The following HEATR4 variants were observed in gnomAD, a reference collection of about 807,000 sequenced individuals.
The protein encoded by HEATR4 is HEAT repeat containing 4.
Under a neutral mutation model 108.8 loss-of-function variants are expected in HEATR4, and 95 were observed. The ratio of observed to expected loss-of-function variants is 0.87; its 90% confidence interval spans 0.74 to 1.04. The LOEUF (loss-of-function observed/expected upper bound fraction) is 1.04. Ranked by LOEUF, HEATR4 falls within the 50% of genes least tolerant of loss-of-function variation. The pLI is 0.00. For synonymous variants in HEATR4, 443 were observed against 459.4 expected (o/e 0.96, Z 0.46); for missense variants, 1,152 against 1,253.8 (o/e 0.92, Z 1.23).
At chr14:73,484,440 G>A (rs547616678) in intron 17 of HEATR4, among the ~76,000 whole-genome samples, 17 of 152,012 alleles carry the variant, frequency 1.1e-4, no homozygotes, top group East Asian at 5.8e-4. Flanking sequence ...GTGCAGTGGC[G>A]CGATCCTGGC....
At chr14:73,505,904 T>C (rs1379853959) in intron 10 of HEATR4, among the ~76,000 whole-genome samples, 1 of 149,932 alleles carries the variant, frequency 6.7e-6, no homozygotes, top group African/African-American at 2.5e-5. Context: ...TTTTTTTTTT[T>C]TTTTGAGATG....
intron 17 of HEATR4, among the ~76,000 whole-genome samples, chr14:73,479,987 C>T (rs1004865183): frequency 3.9e-5 from 6 of 152,126 alleles, no homozygotes; most frequent in Non-Finnish European, 7.4e-5. Flanking sequence ...CACCAGAGTT[C>T]GATATATGTT....
chr14:73,591,674 G>A, the HEATR4 span: 1 of 369,516 alleles, frequency 2.7e-6, no homozygotes, highest in Non-Finnish European at 4.8e-6. Flanking sequence ...ACCGAGGGTG[G>A]TGTGAGGCAG....
rs190038466 is a variant in HEATR4, at chr14:73,555,610, T to A, written c.-152+3141A>T. 3.4e-3 allele frequency among the ~76,000 whole-genome samples: 393 copies of A among 115,416 alleles called. 16 individuals carry two copies. Among genetic ancestry groups the A allele is most frequent in the African/African-American group, 0.01 (373 of 35,826 alleles). The allele number at this position is 115,416 out of a possible 152,430, so 75.7% of individuals were successfully genotyped here. A position where few individuals can be genotyped will look rare whatever the true frequency, so the allele number is the denominator to read the frequency against. ...TAAAACATTTTACATTCCTAACACATCAGTGTGTCCACATCTTGCTTCTAA... is the reference window on the plus strand; with the variant it reads ...TAAAACATTTTACATTCCTAACACAACAGTGTGTCCACATCTTGCTTCTAA... On this transcript the variant is annotated intron_variant, in intron 1 of 17. Coordinates refer to ENST00000553558, the MANE Select transcript of HEATR4 (RefSeq NM_001220484.1).
chr14:73,515,156 GA>G (rs914801128), intron 5 of HEATR4, among the ~76,000 whole-genome samples: 2 of 151,384 alleles, frequency 1.3e-5, no homozygotes, highest in Non-Finnish European at 2.9e-5. Flanking sequence ...CTCTTTCTCA[GA>G]AAAAAAGCTC....
chr14:73,592,129 G>T, the HEATR4 span: 2 of 1,564,732 alleles, frequency 1.3e-6, no homozygotes, highest in African/African-American at 1.4e-5. Context: ...GCCGACGCCC[G>T]CGGCGAGCTG....
the HEATR4 span, chr14:73,569,542 G>A: frequency 1.2e-6 from 2 of 1,605,066 alleles, no homozygotes; most frequent in African/African-American, 1.3e-5. Context: ...GCGTCCCTGC[G>A]CGACGAGAAG....
At chr14:73,630,937 G>T in the HEATR4 span, among the ~76,000 whole-genome samples, 12 of 152,226 alleles carry the variant, frequency 7.9e-5, no homozygotes, top group Non-Finnish European at 1.6e-4. Context: ...ATGGCGAAAG[G>T]ACCAAAGACA....
the HEATR4 span, among the ~76,000 whole-genome samples, chr14:73,570,676 C>A: frequency 6.6e-6 from 1 of 151,868 alleles, no homozygotes; most frequent in African/African-American, 2.4e-5. Flanking sequence ...AGGCCGAGGC[C>A]GGCGGATCAC....
At chr14:73,629,004 G>T in the HEATR4 span, among the ~76,000 whole-genome samples, 89 of 150,802 alleles carry the variant, frequency 5.9e-4, no homozygotes, top group African/African-American at 2.0e-3. Flanking sequence ...GCAGTGAGCC[G>T]AGATAACGCC....
chr14:73,597,591 C>CTTTTTTTTTTTTTTTTTTTTTTT, the HEATR4 span, among the ~76,000 whole-genome samples: 26 of 98,206 alleles, frequency 2.6e-4, no homozygotes, highest in African/African-American at 4.1e-4. Flanking sequence ...TTTTTCTTTT[C>CTTTTTTTTTTTTTTTTTTTTTTT]TTTTTTTTTT....
rs1889250928 is a variant in HEATR4, at chr14:73,547,494, C to G, written c.-152+11257G>C. Among the ~76,000 whole-genome samples, 2 of 115,300 alleles carry G rather than the reference C, an allele frequency of 1.7e-5. 1 individual carries two copies. Among genetic ancestry groups the G allele is most frequent in the Non-Finnish European group, 3.8e-5 (2 of 52,730 alleles). The allele number at this position is 115,300 out of a possible 152,430, so 75.6% of individuals were successfully genotyped here. A position where few individuals can be genotyped will look rare whatever the true frequency, so the allele number is the denominator to read the frequency against. On this transcript the variant is annotated intron_variant, in intron 1 of 17. Coordinates refer to ENST00000553558, the MANE Select transcript of HEATR4 (RefSeq NM_001220484.1). ...CCAAAGTGCTGGGATTACAGGCAAT[C>G]ACCACTGCACCTGGCCATCATGAAT...
the HEATR4 span, among the ~76,000 whole-genome samples, chr14:73,589,311 TTTTTC>T: frequency 7.2e-6 from 1 of 139,298 alleles, no homozygotes; most frequent in Admixed American, 6.8e-5. Context: ...TTCCTTCCCT[TTTTTC>T]TTTTCTTTTT....
At chr14:73,490,284 C>A (rs947077214) in intron 17 of HEATR4, among the ~76,000 whole-genome samples, 2 of 150,614 alleles carry the variant, frequency 1.3e-5, no homozygotes, top group African/African-American at 4.9e-5. Flanking sequence ...AGTCACCACA[C>A]CTGGCTAATT....
At chr14:73,493,015 T>C (rs921900004) in intron 17 of HEATR4, 51 bp downstream of exon 17, 16 of 1,572,508 alleles carry the variant, frequency 1.0e-5, no homozygotes, top group East Asian at 2.2e-5. Context: ...TTTTTTTTTT[T>C]CCTTAAACTC....
the HEATR4 span, among the ~76,000 whole-genome samples, chr14:73,611,750 G>C: frequency 3.3e-5 from 5 of 152,152 alleles, no homozygotes; most frequent in South Asian, 4.1e-4. Flanking sequence ...AGATCACCAG[G>C]TATTAATATT....
the HEATR4 span, among the ~76,000 whole-genome samples, chr14:73,606,390 A>C: frequency 1.5e-3 from 232 of 151,726 alleles, 1 homozygote; most frequent in South Asian, 6.7e-3. Context: ...AAAACAAAAA[A>C]AAAAAAAACT....
At position 73,534,852 on chromosome 14, in the gene HEATR4, A is replaced by G. The variant is rs1317383675; in HGVS notation, c.-151-4608T>C. 1.9e-5 allele frequency among the ~76,000 whole-genome samples: 2 copies of G among 104,298 alleles called. 1 individual carries two copies. Among genetic ancestry groups the G allele is most frequent in the African/African-American group, 6.2e-5 (2 of 32,052 alleles). 68.4% of individuals were successfully genotyped at this position (104,298 alleles called of 152,430 possible). On this transcript the variant is annotated intron_variant, in intron 1 of 17. Transcript: ENST00000553558. ...GGATGAGGTCTTGCTCTGTTGCCCAAGCTGGTATCGAATTCCTCCTGGGCT... is the reference window on the plus strand; with the variant it reads ...GGATGAGGTCTTGCTCTGTTGCCCAGGCTGGTATCGAATTCCTCCTGGGCT...
chr14:73,611,502 C>T, the HEATR4 span: 2 of 152,196 alleles, frequency 1.3e-5, no homozygotes, highest in African/African-American at 4.8e-5. Flanking sequence ...ATAAAACTCT[C>T]CTCAATTACA....
Sources: gnomAD v4.1 joint callset for allele counts (sites outside exome capture counted in the v4.1 genomes callset) on GRCh38, gnomAD v4.1.1 for gene constraint, MANE v1.5 for transcripts, NCBI Gene and HGNC (gene_info 2026-07-23, HGNC 2026-07-21) for gene names.